The following RBFOX1 variants were observed in gnomAD, a reference collection of about 807,000 sequenced individuals.
The protein encoded by RBFOX1 is RNA binding fox-1 homolog 1.
Under a neutral mutation model 57.7 loss-of-function variants are expected in RBFOX1, and 8 were observed. That is an observed-to-expected ratio of 0.14 (90% confidence interval 0.08 to 0.25). RBFOX1 has a LOEUF of 0.25. Ranked by LOEUF, RBFOX1 falls within the 10% of genes least tolerant of loss-of-function variation. The probability of loss-of-function intolerance (pLI) is 1.00; values close to 1 mark genes in which losing one functional copy is unlikely to be tolerated. For missense variants in RBFOX1, 611 were observed against 548.5 expected (o/e 1.11, Z -1.14); for synonymous variants, 326 against 222.4 (o/e 1.47, Z -4.15).
intron 1 of RBFOX1, among the ~76,000 whole-genome samples, chr16:6,126,602 A>G (rs886837838): frequency 3.9e-5 from 6 of 152,276 alleles, no homozygotes; most frequent in Non-Finnish European, 8.8e-5. Flanking sequence ...ATTTATGTGC[A>G]TGCTACCAGG....
intron 4 of RBFOX1, among the ~76,000 whole-genome samples, chr16:5,959,074 G>A (rs2059700985): frequency 6.6e-6 from 1 of 152,236 alleles, no homozygotes. Context: ...TTGCAGCAGT[G>A]CCTGGCACAG....
chr16:6,864,199 A>C (rs1304929184), intron 3 of RBFOX1, among the ~76,000 whole-genome samples: 2 of 152,124 alleles, frequency 1.3e-5, no homozygotes, highest in Non-Finnish European at 2.9e-5. Context: ...TAAATAATTC[A>C]CTTTTTTCTT....
At chr16:5,714,534 C>G (rs1001054471) in intron 3 of RBFOX1, among the ~76,000 whole-genome samples, 1 of 152,114 alleles carries the variant, frequency 6.6e-6, no homozygotes, top group African/African-American at 2.4e-5. Context: ...TGGGTGGGAC[C>G]TTAGATGTGT....
intron 1 of RBFOX1, among the ~76,000 whole-genome samples, chr16:5,413,204 G>GA (rs1303359188): frequency 3.0e-4 from 45 of 151,942 alleles, no homozygotes; most frequent in Non-Finnish European, 2.9e-5. Context: ...TCTTAACTAA[G>GA]AAAAAAAACC....
intron 2 of RBFOX1, among the ~76,000 whole-genome samples, chr16:6,437,608 CTG>C (rs1335360756): frequency 1.3e-5 from 2 of 152,130 alleles, no homozygotes; most frequent in Non-Finnish European, 2.9e-5. Context: ...CTACCTGAGA[CTG>C]TGTAATTTAT....
intron 3 of RBFOX1, among the ~76,000 whole-genome samples, chr16:6,706,209 C>G (rs971646554): frequency 6.6e-6 from 1 of 152,160 alleles, no homozygotes; most frequent in Non-Finnish European, 1.5e-5. Flanking sequence ...AATTCCTCTC[C>G]TTAGGTTCAC....
intron 1 of RBFOX1, among the ~76,000 whole-genome samples, chr16:5,427,064 T>C (rs926266280): frequency 6.6e-6 from 1 of 152,144 alleles, no homozygotes; most frequent in Admixed American, 6.5e-5. Flanking sequence ...CCTCATGGTG[T>C]CTTATACATC....
intron 4 of RBFOX1, among the ~76,000 whole-genome samples, chr16:7,390,129 T>A (rs1446803341): frequency 6.6e-6 from 1 of 152,026 alleles, no homozygotes; most frequent in African/African-American, 2.4e-5. Context: ...CTACATACTT[T>A]CAAACAAACA....
intron 3 of RBFOX1, among the ~76,000 whole-genome samples, chr16:6,806,947 C>A (rs532965013): frequency 6.6e-6 from 1 of 150,500 alleles, no homozygotes; most frequent in East Asian, 2.0e-4. Context: ...GATTCTCCTG[C>A]CTCAGCCTCC....
chr16:6,317,523 C>A (rs1295028304), intron 2 of RBFOX1, among the ~76,000 whole-genome samples: 1 of 147,824 alleles, frequency 6.8e-6, no homozygotes, highest in African/African-American at 2.5e-5. Flanking sequence ...GAATACATGA[C>A]TATGATCTGA....
At chr16:6,687,156 T>C (rs960817452) in intron 3 of RBFOX1, among the ~76,000 whole-genome samples, 14 of 152,236 alleles carry the variant, frequency 9.2e-5, no homozygotes, top group Admixed American at 8.5e-4. Flanking sequence ...ATACAGATTA[T>C]GAGTATCCTT....
intron 4 of RBFOX1, among the ~76,000 whole-genome samples, chr16:7,141,135 C>A (rs140239625): frequency 2.6e-5 from 4 of 152,224 alleles, no homozygotes; most frequent in African/African-American, 9.6e-5. Context: ...CTGGCTTTAT[C>A]AGGATGATGT....
At chr16:7,311,944 G>A (rs2096320113) in intron 4 of RBFOX1, among the ~76,000 whole-genome samples, 1 of 151,922 alleles carries the variant, frequency 6.6e-6, no homozygotes, top group East Asian at 1.9e-4. Flanking sequence ...TTGTTTATTT[G>A]GGGACTTAAT....
chr16:6,066,779 C>G (rs2095769485), intron 1 of RBFOX1, among the ~76,000 whole-genome samples: 1 of 152,112 alleles, frequency 6.6e-6, no homozygotes, highest in South Asian at 2.1e-4. Context: ...CAAGCTGAAG[C>G]TGGCCATATG....
intron 2 of RBFOX1, among the ~76,000 whole-genome samples, chr16:6,455,459 C>T (rs1418548773): frequency 3.3e-5 from 5 of 152,138 alleles, no homozygotes; most frequent in Non-Finnish European, 2.9e-5. Flanking sequence ...CTTAGCCTCC[C>T]GTTGAGTGGC....
intron 3 of RBFOX1, among the ~76,000 whole-genome samples, chr16:7,030,550 C>G (rs1397308407): frequency 1.3e-5 from 2 of 152,170 alleles, no homozygotes; most frequent in Admixed American, 6.5e-5. Flanking sequence ...GTCTCTGCCT[C>G]TGTCTTCACA....
chr16:7,292,528 G>GTA (rs1349102493), intron 4 of RBFOX1, among the ~76,000 whole-genome samples: 3 of 77,086 alleles, frequency 3.9e-5, no homozygotes, highest in Non-Finnish European at 9.1e-5. Flanking sequence ...AATACTATAT[G>GTA]TATACACACA....
intron 1 of RBFOX1, among the ~76,000 whole-genome samples, chr16:6,286,884 C>T (rs761538129): frequency 1.1e-4 from 17 of 152,130 alleles, no homozygotes; most frequent in African/African-American, 1.4e-4. Context: ...TCTGTAAGAA[C>T]AAGGATTACA....
chr16:6,207,345 T>C (rs1288526887), intron 1 of RBFOX1, among the ~76,000 whole-genome samples: 1 of 152,248 alleles, frequency 6.6e-6, no homozygotes, highest in African/African-American at 2.4e-5. Flanking sequence ...GATAAAATTA[T>C]CTAGCAGCCA....
Sources: gnomAD v4.1 joint callset for allele counts (sites outside exome capture counted in the v4.1 genomes callset) on GRCh38, gnomAD v4.1.1 for gene constraint, MANE v1.5 for transcripts, NCBI Gene and HGNC (gene_info 2026-07-23, HGNC 2026-07-21) for gene names.